Variants in VWC2L observed in about 807,000 individuals in gnomAD.
VWC2L encodes the protein von Willebrand factor C domain-containing protein 2-like.
A neutral mutation model predicts 21.6 loss-of-function variants in VWC2L; 10 were observed. That is an observed-to-expected ratio of 0.46 (90% CI 0.29 to 0.78). The LOEUF is 0.78. Among genes scored for constraint, VWC2L ranks in the 30% least tolerant of loss-of-function variants. The pLI, the probability that VWC2L is intolerant of heterozygous loss-of-function variation, is 0.10. For synonymous variants in VWC2L, 96 were observed against 94.3 expected (o/e 1.02, Z -0.10); for missense variants, 209 against 277.1 (o/e 0.75, Z 1.74).
At chr2:214,482,749 T>C (rs4673835) in intron 3 of VWC2L, among the ~76,000 whole-genome samples, 34,495 of 151,422 alleles carry the variant, frequency 0.23, 4,037 homozygotes, top group Admixed American at 0.27. Context: ...GGCAACACAG[T>C]GAAACTGCAT....
At chr2:214,416,635 C>T (rs915911240) in intron 2 of VWC2L, among the ~76,000 whole-genome samples, 2 of 151,988 alleles carry the variant, frequency 1.3e-5, no homozygotes, top group African/African-American at 4.8e-5. Flanking sequence ...TTCTAACATA[C>T]TATATGATCT....
chr2:214,559,615 AT>A (rs148202293), intron 3 of VWC2L, among the ~76,000 whole-genome samples: 23,324 of 142,058 alleles, frequency 0.16, 1,768 homozygotes, highest in East Asian at 0.25. Flanking sequence ...TTCTTTTTTC[AT>A]TTTTTTTTTT....
intron 2 of VWC2L, among the ~76,000 whole-genome samples, chr2:214,434,243 G>A (rs1702644445): frequency 6.6e-6 from 1 of 151,926 alleles, no homozygotes; most frequent in Admixed American, 6.6e-5. Context: ...TGCTTTATTG[G>A]TCTTTACTGG....
At chr2:214,472,599 G>A (rs1028974320) in intron 3 of VWC2L, among the ~76,000 whole-genome samples, 1 of 152,120 alleles carries the variant, frequency 6.6e-6, no homozygotes, top group African/African-American at 2.4e-5. Flanking sequence ...AAGAAATCTT[G>A]ATACAGAGCA....
intron 3 of VWC2L, among the ~76,000 whole-genome samples, chr2:214,440,007 A>G (rs1176697443): frequency 6.6e-6 from 1 of 151,818 alleles, no homozygotes; most frequent in Non-Finnish European, 1.5e-5. Flanking sequence ...TTAAGAACAT[A>G]TATTTCCAGG....
At chr2:214,532,544 C>T (rs531690241) in intron 3 of VWC2L, among the ~76,000 whole-genome samples, 92 of 152,146 alleles carry the variant, frequency 6.0e-4, no homozygotes, top group African/African-American at 2.2e-3. Flanking sequence ...ATTCACTTTC[C>T]ATTTTTTGTT....
chr2:214,428,088 C>T (rs552880261), intron 2 of VWC2L, among the ~76,000 whole-genome samples: 7 of 152,142 alleles, frequency 4.6e-5, no homozygotes, highest in Non-Finnish European at 8.8e-5. Context: ...TTGAGGAATA[C>T]ACAGCCATTG....
intron 3 of VWC2L, among the ~76,000 whole-genome samples, chr2:214,463,828 G>A (rs760085821): frequency 2.0e-5 from 3 of 151,884 alleles, no homozygotes; most frequent in Non-Finnish European, 2.9e-5. Flanking sequence ...GATCTTGTAG[G>A]CATGCTTCAT....
intron 3 of VWC2L, among the ~76,000 whole-genome samples, chr2:214,571,214 C>T (rs959209853): frequency 2.0e-5 from 3 of 152,146 alleles, no homozygotes; most frequent in Non-Finnish European, 4.4e-5. Flanking sequence ...TACAGTAATG[C>T]ACTCCTAGCT....
chr2:214,489,007 A>T (rs977588824), intron 3 of VWC2L, among the ~76,000 whole-genome samples: 6 of 152,210 alleles, frequency 3.9e-5, no homozygotes, highest in Non-Finnish European at 7.3e-5. Context: ...TCAGCATGAG[A>T]TTTGATGGGG....
At chr2:214,519,167 T>G (rs963756793) in intron 3 of VWC2L, among the ~76,000 whole-genome samples, 4 of 152,240 alleles carry the variant, frequency 2.6e-5, no homozygotes, top group African/African-American at 9.6e-5. Flanking sequence ...CAGAGATTCA[T>G]GTGTTCCTGG....
intron 3 of VWC2L, among the ~76,000 whole-genome samples, chr2:214,563,148 G>A (rs996948050): frequency 6.6e-6 from 1 of 151,910 alleles, no homozygotes; most frequent in Non-Finnish European, 1.5e-5. Context: ...GTAAGGAAGG[G>A]GTCCAGTTTC....
At position 214,494,778 on chromosome 2, in the gene VWC2L, CTTTTT is replaced by C. The variant is rs58706998; in HGVS notation, c.520+58028_520+58032del. On this transcript the variant is annotated intron_variant, in intron 3 of 3. Transcript: ENST00000312504. Reference sequence around the variant, plus strand: ...TGTGTTTTTTTTATAGCACTAGGTACTTTTTTTTTTTTAAGTTTCTAATTTGGTGT... The same window carrying C: ...TGTGTTTTTTTTATAGCACTAGGTACTTTTTTTAAGTTTCTAATTTGGTGT... Among the ~76,000 whole-genome samples the C allele has an allele frequency of 4.8e-3, 704 of 147,080 alleles. 4 individuals are homozygous for C. Among genetic ancestry groups the C allele is most frequent in the South Asian group, 0.015 (68 of 4,590 alleles).
intron 3 of VWC2L, 89 bp from the exon 4 acceptor site, chr2:214,575,583 T>C (rs1447994652): frequency 2.0e-6 from 3 of 1,470,432 alleles, no homozygotes; most frequent in South Asian, 1.3e-5. Context: ...GACTTACTCA[T>C]TTATGGCTTT....
At chr2:214,450,190 G>A (rs1336260094) in intron 3 of VWC2L, among the ~76,000 whole-genome samples, 1 of 152,218 alleles carries the variant, frequency 6.6e-6, no homozygotes, top group Non-Finnish European at 1.5e-5. Context: ...AGTCTGCAGT[G>A]AAGAGGAAAG....
At chr2:214,492,953 G>A (rs1054107929) in intron 3 of VWC2L, among the ~76,000 whole-genome samples, 1 of 152,188 alleles carries the variant, frequency 6.6e-6, no homozygotes, top group African/African-American at 2.4e-5. Flanking sequence ...ATTGGTCAAA[G>A]CTAATCCCCT....
chr2:214,465,886 A>G (rs1220149118), intron 3 of VWC2L, among the ~76,000 whole-genome samples: 1 of 151,974 alleles, frequency 6.6e-6, no homozygotes, highest in Admixed American at 6.6e-5. Context: ...ATTCTTCCCT[A>G]TGTTGCTTTC....
Position 214,521,729 on chromosome 2 carries a change from TC to T in VWC2L, c.521-53941del, listed in dbSNP as rs367782782. ...CAGCATCATTAACTGGAGTAACTCTTCCTTGCTCTACGAAACCATACCACAT... is the reference window on the plus strand; with the variant it reads ...CAGCATCATTAACTGGAGTAACTCTTCTTGCTCTACGAAACCATACCACAT... On this transcript the variant is annotated intron_variant, in intron 3 of 3. Coordinates refer to ENST00000312504, the MANE Select transcript of VWC2L (RefSeq NM_001080500.4). Among the ~76,000 whole-genome samples the T allele has an allele frequency of 1.6e-3, 247 of 152,350 alleles. 1 individual carries two copies. The highest frequency in any genetic ancestry group is 5.7e-3 in the African/African-American group (239 of 41,584).
At chr2:214,555,187 T>G (rs2105926860) in intron 3 of VWC2L, among the ~76,000 whole-genome samples, 1 of 152,346 alleles carries the variant, frequency 6.6e-6, no homozygotes, top group South Asian at 2.1e-4. Flanking sequence ...TCAGAAAATC[T>G]TTGAATCCAC....
Sources: gnomAD v4.1 joint callset for allele counts (sites outside exome capture counted in the v4.1 genomes callset) on GRCh38, gnomAD v4.1.1 for gene constraint, MANE v1.5 for transcripts, NCBI Gene and HGNC (gene_info 2026-07-23, HGNC 2026-07-21) for gene names.